Variants in DAW1 observed in about 807,000 individuals in gnomAD.
DAW1 encodes dynein assembly factor with WD repeats 1, also known as dynein assembly factor with WD repeat domains 1.
Under a neutral mutation model 56.5 loss-of-function variants are expected in DAW1, and 47 were observed. That is an observed-to-expected ratio of 0.83 (90% CI 0.66 to 1.06). DAW1 has a LOEUF of 1.06. Among genes scored for constraint, DAW1 ranks in the 50% least tolerant of loss-of-function variants. DAW1 has a pLI of 0.00. For missense variants in DAW1, 505 were observed against 499.3 expected (o/e 1.01, Z -0.11); for synonymous variants, 190 against 179.0 (o/e 1.06, Z -0.49).
chr2:227,903,221 G>A, intron 7 of DAW1, 112 bp downstream of exon 7: 1 of 1,114,104 alleles, frequency 9.0e-7, no homozygotes, highest in Admixed American at 2.1e-5. Flanking sequence ...TCAAATTTTA[G>A]TGGTGAAAGA....
chr2:227,871,638 A>G lies in DAW1; in HGVS notation c.-52A>G, dbSNP rs1159218977. 81 of 1,601,338 alleles carry G rather than the reference A, an allele frequency of 5.1e-5. No homozygotes were observed. The highest frequency in any genetic ancestry group is 2.6e-6 in the Non-Finnish European group (3 of 1,173,798). ...GCGCACCCGCGTCCCGCTGCTGTTT[A>G]GCCGTTTCCAAGGCTACGAAGCCCA... On this transcript the variant is annotated 5_prime_UTR_variant, in exon 1 of 13. Transcript: ENST00000309931.
intron 10 of DAW1, 98 bp from the exon 11 acceptor site, chr2:227,918,682 G>A (rs1248330028): frequency 1.5e-5 from 20 of 1,291,694 alleles, no homozygotes; most frequent in Middle Eastern, 3.7e-4. Flanking sequence ...CACAGAGCTC[G>A]TGTGTCAGGG....
chr2:227,908,509 TG>T, intron 10 of DAW1, among the ~76,000 whole-genome samples: 1 of 152,326 alleles, frequency 6.6e-6, no homozygotes, highest in East Asian at 1.9e-4. Context: ...GTCATTCCCA[TG>T]ACAACCATAT....
intron 10 of DAW1, chr2:227,912,482 C>T (rs1691852831): frequency 1.5e-6 from 2 of 1,302,206 alleles, no homozygotes; most frequent in East Asian, 5.5e-5. Flanking sequence ...ATGCTACATG[C>T]TGTGTTCCTT....
At chr2:227,881,019 A>C (rs1009807941) in intron 1 of DAW1, among the ~76,000 whole-genome samples, 3 of 152,218 alleles carry the variant, frequency 2.0e-5, no homozygotes, top group Non-Finnish European at 4.4e-5. Flanking sequence ...GGTCAGGCAA[A>C]AGAGGACAAA....
chr2:227,887,467 C>G (rs755382973), intron 2 of DAW1, among the ~76,000 whole-genome samples: 1 of 152,202 alleles, frequency 6.6e-6, no homozygotes, highest in Non-Finnish European at 1.5e-5. Context: ...AGATATTACT[C>G]ATAATCCCTA....
At position 227,907,183 on chromosome 2, in the gene DAW1, C is replaced by T. The variant is rs1212538232; in HGVS notation, c.904C>T (p.His302Tyr). Residue 302 changes from histidine to tyrosine, a missense_variant, in exon 10 of 13, where the codon CAT becomes TAT. Coordinates refer to ENST00000309931, the MANE Select transcript of DAW1 (RefSeq NM_178821.3). Reference sequence around the variant, plus strand: ...AAAATGTGTGGCAACCTTAACAGGCCATGATGATGAAATACTAGACAGCTG... The same window carrying T: ...AAAATGTGTGGCAACCTTAACAGGCTATGATGATGAAATACTAGACAGCTG... ...NGKCVATLTG[H>Y]DDEILDSCFD... 6.2e-7 allele frequency: 1 copy of T among 1,613,560 alleles called. No individual in the cohort carries two copies.
chr2:227,893,392 G>A (rs1488481940), intron 4 of DAW1, among the ~76,000 whole-genome samples: 1 of 152,080 alleles, frequency 6.6e-6, no homozygotes, highest in East Asian at 1.9e-4. Flanking sequence ...TAGGCCAGGC[G>A]TGGTGTGTCA....
At chr2:227,892,070 T>A (rs1691278105) in intron 4 of DAW1, among the ~76,000 whole-genome samples, 1 of 152,162 alleles carries the variant, frequency 6.6e-6, no homozygotes, top group Non-Finnish European at 1.5e-5. Context: ...CTATATGGCC[T>A]GTTCTTATAA....
chr2:227,903,033 T>C lies in DAW1; in HGVS notation c.572T>C (p.Leu191Ser). The change falls in exon 7 of 13, where the codon TTG becomes TCG. Residue 191 changes from leucine (L) to serine (S), a missense_variant. Physicochemically the swap from Leu to Ser is moderately radical, Grantham distance 145 (BLOSUM62 -2). Transcript: ENST00000309931. ...VCLSFNPQST[L>S]VATGSMDTTA... ...TTATCATTTAACCCTCAAAGCACAT[T>C]GGTGGCGACTGGAAGTATGGACACA... 3.1e-6 allele frequency: 5 copies of C among 1,614,164 alleles called. No homozygotes were observed. Among genetic ancestry groups the C allele is most frequent in the Non-Finnish European group, 4.2e-6 (5 of 1,180,018 alleles).
intron 6 of DAW1, among the ~76,000 whole-genome samples, chr2:227,900,725 C>T (rs760388181): frequency 7.2e-5 from 11 of 152,132 alleles, no homozygotes; most frequent in Admixed American, 3.3e-4. Context: ...CCTGACCCTC[C>T]ATGTGGTGGC....
At chr2:227,892,284 C>A (rs751688715) in intron 4 of DAW1, among the ~76,000 whole-genome samples, 2 of 152,114 alleles carry the variant, frequency 1.3e-5, no homozygotes, top group African/African-American at 2.4e-5. Flanking sequence ...AGGTGCCTGC[C>A]ACCACGCCCA....
In DAW1 at chr2:227,902,584, C is replaced by T. The variant is rs567936878; in HGVS notation, c.541-418C>T. Among the ~76,000 whole-genome samples the T allele has an allele frequency of 3.9e-5, 6 of 152,082 alleles. No homozygotes were observed. In the South Asian group the frequency reaches 6.2e-4, roughly 16 times the overall value. ...CTGGGGGAACTGGATGGATTGCCCA[C>T]GTGAAGGCCACCTAAGACTTGGCAT... On this transcript the variant is annotated intron_variant, in intron 6 of 12. Coordinates refer to ENST00000309931, the MANE Select transcript of DAW1 (RefSeq NM_178821.3).
At chr2:227,872,000 C>G (rs1243560348) in intron 1 of DAW1, 1 of 527,894 alleles carries the variant, frequency 1.9e-6, no homozygotes, top group South Asian at 2.8e-5. Context: ...ACTGCGTACA[C>G]GCTTTGTGCT....
intron 2 of DAW1, among the ~76,000 whole-genome samples, chr2:227,885,895 G>C (rs898384274): frequency 6.6e-6 from 1 of 151,376 alleles, no homozygotes; most frequent in African/African-American, 2.4e-5. Flanking sequence ...GCCATCATGT[G>C]TCCTTAAGCT....
chr2:227,909,954 A>T (rs1469875181), intron 10 of DAW1, among the ~76,000 whole-genome samples: 1 of 152,136 alleles, frequency 6.6e-6, no homozygotes, highest in Non-Finnish European at 1.5e-5. Flanking sequence ...ATTAACCATC[A>T]CAATGCCGCA....
chr2:227,894,140 G>A (rs925026614), intron 5 of DAW1, among the ~76,000 whole-genome samples: 3 of 152,114 alleles, frequency 2.0e-5, no homozygotes, highest in South Asian at 2.1e-4. Context: ...GGTGGCTCAC[G>A]CCTGTAATCC....
chr2:227,891,820 A>G (rs114206804), intron 4 of DAW1, among the ~76,000 whole-genome samples: 1,664 of 152,338 alleles, frequency 0.011, 25 homozygotes, highest in African/African-American at 0.036. Flanking sequence ...TAAGGCTTCC[A>G]TAATAAGGTA....
chr2:227,894,278 T>A (rs1290317811), intron 5 of DAW1, among the ~76,000 whole-genome samples: 1 of 152,016 alleles, frequency 6.6e-6, no homozygotes, highest in Admixed American at 6.5e-5. Flanking sequence ...ATGTAATGTA[T>A]GGTGGCGCAT....
Sources: allele counts gnomAD v4.1 joint callset (sites outside exome capture counted in the v4.1 genomes callset), GRCh38; gene constraint gnomAD v4.1.1; transcripts MANE v1.5; gene names NCBI Gene and HGNC (gene_info 2026-07-23, HGNC 2026-07-21).